GREB1L: variants seen among roughly 807,000 people sequenced by gnomAD.
GREB1L encodes the protein GREB1 like retinoic acid receptor coactivator, also known as GREB1-like protein.
Under a neutral mutation model 200.8 loss-of-function variants are expected in GREB1L, and 17 were observed. That is an observed-to-expected ratio of 0.08 (90% CI 0.06 to 0.13). The LOEUF (loss-of-function observed/expected upper bound fraction) is 0.13, where lower values mean the gene tolerates loss of function less well. Ranked by LOEUF, GREB1L falls within the 10% of genes least tolerant of loss-of-function variation. The pLI, the probability that GREB1L is intolerant of heterozygous loss-of-function variation, is 1.00. For synonymous variants in GREB1L, 789 were observed against 893.0 expected, an observed-to-expected ratio of 0.88 and a Z score of 2.08; for missense variants, 1,657 against 2,367.7, an observed-to-expected ratio of 0.70 and a Z score of 6.23.
chr18:21,483,172 G>A (rs1053349933), intron 17 of GREB1L, among the ~76,000 whole-genome samples: 1 of 152,174 alleles, frequency 6.6e-6, no homozygotes, highest in African/African-American at 2.4e-5. Flanking sequence ...GAGGACAGGT[G>A]GATGCAAGGC....
chr18:21,496,740 G>A (rs572353361), intron 21 of GREB1L, 42 bp downstream of exon 21: 1 of 1,538,372 alleles, frequency 6.5e-7, no homozygotes, highest in African/African-American at 1.4e-5. Context: ...AGAGACATGA[G>A]TCAGGAGGTG....
At chr18:21,414,835 C>T (rs2031464883) in intron 7 of GREB1L, among the ~76,000 whole-genome samples, 1 of 152,052 alleles carries the variant, frequency 6.6e-6, no homozygotes, top group Non-Finnish European at 1.5e-5. Flanking sequence ...TTACCCTCCC[C>T]CTGGAACAAC....
chr18:21,443,320 A>T (rs550229218), intron 10 of GREB1L, among the ~76,000 whole-genome samples: 3 of 152,214 alleles, frequency 2.0e-5, no homozygotes, highest in African/African-American at 7.2e-5. Context: ...CTCCTGCCTC[A>T]GCCTCCCATG....
chr18:21,414,854 CAAAATACAGACAAAAATACATTAAAAA>C, intron 7 of GREB1L, among the ~76,000 whole-genome samples: 1 of 152,076 alleles, frequency 6.6e-6, no homozygotes, highest in Middle Eastern at 3.2e-3. Context: ...ACTGCAACAA[CAAAATACAGACAAAAATACATTAAAAA>C]AATTTTAAAT....
At chr18:21,493,865 C>T (rs1482958353) in intron 19 of GREB1L, among the ~76,000 whole-genome samples, 1 of 38,504 alleles carries the variant, frequency 2.6e-5, no homozygotes, top group Admixed American at 5.5e-4. Context: ...GACCCTGTCT[C>T]AAAAAAAAAA....
intron 1 of GREB1L, among the ~76,000 whole-genome samples, chr18:21,329,644 T>C (rs1209417830): frequency 6.6e-6 from 1 of 152,174 alleles, no homozygotes; most frequent in East Asian, 1.9e-4. Flanking sequence ...TCAAGTTTCA[T>C]TCTAACCATT....
At chr18:21,332,864 TG>T (rs1409677932) in intron 1 of GREB1L, among the ~76,000 whole-genome samples, 2 of 152,054 alleles carry the variant, frequency 1.3e-5, no homozygotes, top group Non-Finnish European at 2.9e-5. Flanking sequence ...TAGAATCACT[TG>T]AGCCCAGGAG....
chr18:21,347,095 T>C (rs118157167), intron 1 of GREB1L, among the ~76,000 whole-genome samples: 3,282 of 152,112 alleles, frequency 0.022, 57 homozygotes, highest in Middle Eastern at 0.061. Flanking sequence ...CTGACCAATA[T>C]GGTGAAACCC....
intron 32 of GREB1L, among the ~76,000 whole-genome samples, chr18:21,521,153 C>T (rs552800450): frequency 1.7e-3 from 265 of 152,042 alleles, no homozygotes; most frequent in African/African-American, 6.0e-3. Context: ...GCTGAGATCA[C>T]GCCACTGCAC....
At chr18:21,439,901 A>G (rs921932044) in intron 8 of GREB1L, among the ~76,000 whole-genome samples, 3 of 152,256 alleles carry the variant, frequency 2.0e-5, no homozygotes, top group African/African-American at 4.8e-5. Flanking sequence ...ATTAAAGTAC[A>G]GGATTCAAAG....
chr18:21,432,710 T>C (rs1384999141), intron 7 of GREB1L, among the ~76,000 whole-genome samples: 13 of 139,650 alleles, frequency 9.3e-5, no homozygotes, highest in South Asian at 2.4e-4. Context: ...TTTTTCTTTT[T>C]TTTTTTTTTT....
At chr18:21,397,285 G>T (rs2041107691) in intron 5 of GREB1L, among the ~76,000 whole-genome samples, 1 of 151,622 alleles carries the variant, frequency 6.6e-6, no homozygotes, top group Non-Finnish European at 1.5e-5. Context: ...ATGAGGTCAG[G>T]AGATCGAGAC....
intron 18 of GREB1L, 112 bp downstream of exon 18, chr18:21,485,865 A>C (rs2145815286): frequency 9.7e-7 from 1 of 1,029,732 alleles, no homozygotes; most frequent in Non-Finnish European, 1.4e-6. Context: ...GCCCTTGCAG[A>C]TGACGTGCAA....
intron 1 of GREB1L, among the ~76,000 whole-genome samples, chr18:21,340,686 G>A (rs1332264260): frequency 6.6e-6 from 1 of 151,798 alleles, no homozygotes; most frequent in Non-Finnish European, 1.5e-5. Context: ...GGGATTACAG[G>A]CGCACGCCAC....
At chr18:21,341,237 C>T (rs999735426) in intron 1 of GREB1L, among the ~76,000 whole-genome samples, 6 of 152,166 alleles carry the variant, frequency 3.9e-5, no homozygotes, top group African/African-American at 1.4e-4. Context: ...TTGTACTAGT[C>T]ACTGACTTGA....
intron 1 of GREB1L, among the ~76,000 whole-genome samples, chr18:21,268,548 CACACACACACACATATATATATATAT>C (rs1429172721): frequency 2.0e-5 from 2 of 99,062 alleles, no homozygotes; most frequent in East Asian, 2.9e-4. Flanking sequence ...CACACACACA[CACACACACACACATATATATATATAT>C]ATATATATAT....
intron 7 of GREB1L, among the ~76,000 whole-genome samples, chr18:21,434,340 G>A (rs1296318927): frequency 6.6e-6 from 1 of 151,902 alleles, no homozygotes; most frequent in African/African-American, 2.4e-5. Flanking sequence ...GCTGGGCGTG[G>A]TGGCGTGCAC....
intron 4 of GREB1L, among the ~76,000 whole-genome samples, chr18:21,390,294 TAAAA>T (rs113915650): frequency 1.3e-5 from 2 of 148,730 alleles, no homozygotes; most frequent in African/African-American, 4.9e-5. Flanking sequence ...TTCTACTTAT[TAAAA>T]AAAAAAAGTT....
chr18:21,440,409 G>A (rs2033833242), intron 9 of GREB1L, 21 bp downstream of exon 9: 5 of 1,546,850 alleles, frequency 3.2e-6, no homozygotes, highest in East Asian at 2.4e-5. Context: ...AACAGAAGAT[G>A]GATTGTAAGT....
Sources: allele counts gnomAD v4.1 joint callset (sites outside exome capture counted in the v4.1 genomes callset), GRCh38; gene constraint gnomAD v4.1.1; transcripts MANE v1.5; gene names NCBI Gene and HGNC (gene_info 2026-07-23, HGNC 2026-07-21).